CAMTA1: variants seen among roughly 807,000 people sequenced by gnomAD.
CAMTA1 encodes calmodulin-binding transcription activator 1.
CAMTA1 carries 27 observed loss-of-function variants against 170.9 expected under a neutral mutation model. The observed-to-expected ratio is 0.16, with a 90% CI of 0.12 to 0.22. The LOEUF (loss-of-function observed/expected upper bound fraction) is 0.22, where lower values mean the gene tolerates loss of function less well. Among genes scored for constraint, CAMTA1 ranks in the 10% least tolerant of loss-of-function variants. The pLI is 1.00. For missense variants in CAMTA1, 1,619 were observed against 2,217.2 expected, an observed-to-expected ratio of 0.73 and a Z score of 5.42; for synonymous variants, 833 against 891.5, an observed-to-expected ratio of 0.93 and a Z score of 1.17.
intron 6 of CAMTA1, among the ~76,000 whole-genome samples, chr1:7,577,188 G>A (rs1055850819): frequency 1.5e-4 from 23 of 152,304 alleles, no homozygotes; most frequent in South Asian, 1.0e-3. Context: ...CAGAGGCCTG[G>A]AGGAGACGTT....
At position 7,561,675 on chromosome 1, in the gene CAMTA1, G is replaced by GC. The variant is rs2094958929; in HGVS notation, c.511-78722dup. Among the ~76,000 whole-genome samples the GC allele has an allele frequency of 6.6e-6, 1 of 151,984 alleles. No individual in the cohort carries two copies. The highest frequency in any genetic ancestry group is 1.5e-5 in the Non-Finnish European group (1 of 67,982). On this transcript the variant is annotated intron_variant, in intron 6 of 22. Coordinates refer to ENST00000303635, the MANE Select transcript of CAMTA1 (RefSeq NM_015215.4). This position sits in a 1 kb window ranked among gnomAD's most constrained non-coding sequence, Gnocchi z 5.3. ...GGATCAGCAGGCAAGGCTCCATGAT[G>GC]CCCGTCAGAGGCCACCCCTCCCCAG...
In CAMTA1 at chr1:7,580,548, C is replaced by T. The variant is rs1200934796; in HGVS notation, c.511-59852C>T. On this transcript the variant is annotated intron_variant, in intron 6 of 22. Coordinates refer to ENST00000303635, the MANE Select transcript of CAMTA1 (RefSeq NM_015215.4). This position sits in a 1 kb window ranked among gnomAD's most constrained non-coding sequence, Gnocchi z 4.3. ...CCCATGAGCCAGGTGGCAGACAGGACACCCGCACATGGAGGAACCACTAAC... is the reference window on the plus strand; with the variant it reads ...CCCATGAGCCAGGTGGCAGACAGGATACCCGCACATGGAGGAACCACTAAC... Among the ~76,000 whole-genome samples, 1 of 152,110 alleles carries T rather than the reference C, an allele frequency of 6.6e-6. No individual in the cohort carries two copies. Among genetic ancestry groups the T allele is most frequent in the African/African-American group, 2.4e-5 (1 of 41,424 alleles).
chr1:6,888,277 G>A, intron 3 of CAMTA1: 33 of 984,246 alleles, frequency 3.4e-5, no homozygotes, highest in Non-Finnish European at 3.9e-5. Context: ...CTTTTCCAAT[G>A]ATAAAGCAGT....
At chr1:7,369,577 A>C (rs1350200442) in intron 5 of CAMTA1, among the ~76,000 whole-genome samples, 3 of 152,022 alleles carry the variant, frequency 2.0e-5, no homozygotes, top group Non-Finnish European at 4.4e-5. Context: ...TGGGGATTCC[A>C]GCCATCCTCT....
chr1:6,873,393 G>C (rs1668944548), intron 3 of CAMTA1, among the ~76,000 whole-genome samples: 1 of 152,030 alleles, frequency 6.6e-6, no homozygotes, highest in Admixed American at 6.6e-5. Context: ...ATGGCATCTG[G>C]CTCAGTGGAT....
At position 7,592,260 on chromosome 1, in the gene CAMTA1, CCCATCACTGTCCTTG is replaced by C. The variant is rs1266431520; in HGVS notation, c.511-48125_511-48111del. ...TTTGAAGGCCCCTTCCCCAACCACG[CCCATCACTGTCCTTG>C]CCATCACTGTCCTTCCCCTTTGTGC... On this transcript the variant is annotated intron_variant, in intron 6 of 22. Coordinates refer to ENST00000303635, the MANE Select transcript of CAMTA1 (RefSeq NM_015215.4). The surrounding 1 kb of genome is among the most constrained non-coding windows in gnomAD (Gnocchi z 4.6). Among the ~76,000 whole-genome samples, 6 of 152,146 alleles carry C rather than the reference CCCATCACTGTCCTTG, an allele frequency of 3.9e-5. No homozygotes were observed. The highest frequency in any genetic ancestry group is 9.7e-5 in the African/African-American group (4 of 41,444).
rs1031620340 is a variant in CAMTA1, at chr1:7,562,087, C to T, written c.511-78313C>T. 6.6e-6 allele frequency among the ~76,000 whole-genome samples: 1 copy of T among 152,100 alleles called. No individual in the cohort carries two copies. Among genetic ancestry groups the T allele is most frequent in the African/African-American group, 2.4e-5 (1 of 41,392 alleles). On this transcript the variant is annotated intron_variant, in intron 6 of 22. Coordinates refer to ENST00000303635, the MANE Select transcript of CAMTA1 (RefSeq NM_015215.4). The surrounding 1 kb of genome is among the most constrained non-coding windows in gnomAD (Gnocchi z 4.8). Reference sequence around the variant, plus strand: ...ATGGTGTTCAGGGAAGCCTTTGTGCCCCAGGAAAAGCCAGGCCAGGCGTGC... The same window carrying T: ...ATGGTGTTCAGGGAAGCCTTTGTGCTCCAGGAAAAGCCAGGCCAGGCGTGC...
intron 6 of CAMTA1, among the ~76,000 whole-genome samples, chr1:7,632,019 TCGCCCAGTGC>T (rs751404267): frequency 2.2e-4 from 32 of 144,744 alleles, no homozygotes; most frequent in African/African-American, 4.6e-4. Flanking sequence ...TCGCCCAGTG[TCGCCCAGTGC>T]CGCCCAGTGC....
chr1:7,443,111 C>T lies in CAMTA1; in HGVS notation c.439-24719C>T, dbSNP rs1365740581. On this transcript the variant is annotated intron_variant, in intron 5 of 22. Coordinates refer to ENST00000303635, the MANE Select transcript of CAMTA1 (RefSeq NM_015215.4). The surrounding 1 kb of genome is among the most constrained non-coding windows in gnomAD (Gnocchi z 4.1). The stretch of plus-strand genomic sequence containing the variant: ...TCCAACAGAACTGTCCCTCCCAGCT[C>T]AAGTATACTGTGTCTCTACCCAAGT... Among the ~76,000 whole-genome samples, 2 of 152,212 alleles carry T rather than the reference C, an allele frequency of 1.3e-5. No individual in the cohort carries two copies. The highest frequency in any genetic ancestry group is 6.5e-5 in the Admixed American group (1 of 15,280).
intron 4 of CAMTA1, among the ~76,000 whole-genome samples, chr1:7,159,803 C>T (rs1647098829): frequency 6.6e-6 from 1 of 152,194 alleles, no homozygotes; most frequent in African/African-American, 2.4e-5. Context: ...CTGCCTTGGC[C>T]TCCCAAAGTG....
intron 5 of CAMTA1, among the ~76,000 whole-genome samples, chr1:7,370,950 C>T (rs367925763): frequency 1.8e-3 from 218 of 123,478 alleles, no homozygotes; most frequent in Middle Eastern, 0.013. Context: ...CTCACTCTGT[C>T]GCCCAGGCTG....
intron 5 of CAMTA1, among the ~76,000 whole-genome samples, chr1:7,441,739 C>T (rs72642839): frequency 3.9e-5 from 6 of 152,102 alleles, no homozygotes; most frequent in African/African-American, 4.8e-5. Flanking sequence ...CCAAAGGGGA[C>T]GGCTGGCAGG....
chr1:7,125,448 C>T (rs1644876246), intron 4 of CAMTA1, among the ~76,000 whole-genome samples: 1 of 152,158 alleles, frequency 6.6e-6, no homozygotes, highest in African/African-American at 2.4e-5. Flanking sequence ...TAGAGCCAAA[C>T]AGACCGTGTG....
At chr1:6,897,920 T>C (rs1676010995) in intron 3 of CAMTA1, among the ~76,000 whole-genome samples, 1 of 152,238 alleles carries the variant, frequency 6.6e-6, no homozygotes, top group African/African-American at 2.4e-5. Flanking sequence ...CTAGCCTGTC[T>C]TTTCATGGCT....
chr1:7,665,449 CA>C lies in CAMTA1; in HGVS notation c.2652+253del, dbSNP rs1385576666. Among the ~76,000 whole-genome samples the C allele has an allele frequency of 6.6e-6, 1 of 152,188 alleles. No homozygotes were observed. The highest frequency in any genetic ancestry group is 1.5e-5 in the Non-Finnish European group (1 of 68,026). The stretch of plus-strand genomic sequence containing the variant: ...GGGTCTTTGGCCGGGTGCCATGGCT[CA>C]AACCTGTAATCCCAGAACTTTGGGA... On this transcript the variant is annotated intron_variant, in intron 9 of 22. Coordinates refer to ENST00000303635, the MANE Select transcript of CAMTA1 (RefSeq NM_015215.4). This position sits in a 1 kb window ranked among gnomAD's most constrained non-coding sequence, Gnocchi z 4.3.
In CAMTA1 at chr1:7,064,592, A is replaced by C. The variant is rs557555460; in HGVS notation, c.235-26712A>C. Among the ~76,000 whole-genome samples the C allele has an allele frequency of 7.2e-4, 110 of 152,216 alleles. No homozygotes were observed. The highest frequency in any genetic ancestry group is 2.6e-3 in the African/African-American group (107 of 41,510). On this transcript the variant is annotated intron_variant, in intron 3 of 22. Transcript: ENST00000303635. The surrounding 1 kb of genome is among the most constrained non-coding windows in gnomAD (Gnocchi z 5.4). Reference sequence around the variant, plus strand: ...TTTAAGCTGAGATGGGAAGGAAGAGAGGAAGGTGGCCAGTGGAGGGCCAGG... The same window carrying C: ...TTTAAGCTGAGATGGGAAGGAAGAGCGGAAGGTGGCCAGTGGAGGGCCAGG...
chr1:7,289,118 A>T (rs1672750196), intron 5 of CAMTA1, among the ~76,000 whole-genome samples: 1 of 152,054 alleles, frequency 6.6e-6, no homozygotes, highest in East Asian at 1.9e-4. Context: ...ATCAGATCTC[A>T]TGAGAACTCA....
At chr1:7,457,039 CCGCCCCGCCCCCTGCGCCGCCGTGCCCCT>C (rs1292794904) in intron 5 of CAMTA1, among the ~76,000 whole-genome samples, 1 of 88,206 alleles carries the variant, frequency 1.1e-5, no homozygotes, top group East Asian at 4.6e-4. Context: ...TTCCCCTCAC[CCGCCCCGCCCCCTGCGCCGCCGTGCCCCT>C]CACCCGCCCC....
intron 3 of CAMTA1, among the ~76,000 whole-genome samples, chr1:6,840,358 G>C (rs1239911261): frequency 2.6e-5 from 4 of 152,206 alleles, no homozygotes; most frequent in Admixed American, 6.5e-5. Context: ...TTAAGAGTCT[G>C]TTGCGATAAC....
Sources: allele counts gnomAD v4.1 joint callset (sites outside exome capture counted in the v4.1 genomes callset), GRCh38; gene constraint gnomAD v4.1.1; non-coding constraint Gnocchi (gnomAD v3.1); transcripts MANE v1.5; gene names NCBI Gene and HGNC (gene_info 2026-07-23, HGNC 2026-07-21).